ZMAT4: variants seen among roughly 807,000 people sequenced by gnomAD.
ZMAT4 encodes the protein zinc finger matrin-type protein 4.
ZMAT4 carries 17 observed loss-of-function variants against 28.7 expected under a neutral mutation model. That is an observed-to-expected ratio of 0.59 (90% CI 0.41 to 0.89). The LOEUF (loss-of-function observed/expected upper bound fraction) is 0.89. Ranked by LOEUF, ZMAT4 falls within the 40% of genes least tolerant of loss-of-function variation. The pLI is 0.00. For missense variants in ZMAT4, 240 were observed against 283.8 expected, an observed-to-expected ratio of 0.85 and a Z score of 1.11; for synonymous variants, 117 against 109.2, an observed-to-expected ratio of 1.07 and a Z score of -0.44.
At chr8:40,721,092 A>C (rs892111304) in intron 3 of ZMAT4, among the ~76,000 whole-genome samples, 33 of 143,896 alleles carry the variant, frequency 2.3e-4, no homozygotes, top group African/African-American at 7.5e-4. Flanking sequence ...CTCGTCATCT[A>C]GCATTAGGTA....
intron 2 of ZMAT4, among the ~76,000 whole-genome samples, chr8:40,791,715 G>A (rs773079705): frequency 6.6e-5 from 10 of 152,118 alleles, no homozygotes; most frequent in South Asian, 2.1e-4. Context: ...GACCAACTAC[G>A]GACTCTAAGA....
intron 4 of ZMAT4, among the ~76,000 whole-genome samples, 173 bp from the exon 5 acceptor site, chr8:40,675,104 CA>C (rs1252095883): frequency 6.6e-6 from 1 of 152,138 alleles, no homozygotes; most frequent in East Asian, 1.9e-4. Context: ...TGAGTTGGGA[CA>C]CAAATAAAAA....
intron 5 of ZMAT4, among the ~76,000 whole-genome samples, chr8:40,669,037 G>A (rs1195101655): frequency 6.6e-6 from 1 of 152,078 alleles, no homozygotes; most frequent in Admixed American, 6.6e-5. Context: ...ATTACACACA[G>A]TACTCTATGG....
intron 2 of ZMAT4, among the ~76,000 whole-genome samples, chr8:40,770,049 GA>G (rs1370031852): frequency 1.3e-5 from 2 of 152,242 alleles, no homozygotes; most frequent in East Asian, 3.9e-4. Flanking sequence ...GTTTTGGCAG[GA>G]AAAGGAATGG....
intron 1 of ZMAT4, among the ~76,000 whole-genome samples, chr8:40,884,021 C>T (rs1366540802): frequency 6.6e-6 from 1 of 152,168 alleles, no homozygotes. Flanking sequence ...AGAGACGCAG[C>T]ACAACTCTCT....
intron 6 of ZMAT4, among the ~76,000 whole-genome samples, chr8:40,536,479 G>A (rs533080338): frequency 6.6e-6 from 1 of 152,158 alleles, no homozygotes; most frequent in Non-Finnish European, 1.5e-5. Flanking sequence ...GACACATAAA[G>A]GTCACTGTAA....
chr8:40,683,818 A>C (rs1809279097), intron 4 of ZMAT4, among the ~76,000 whole-genome samples: 1 of 152,130 alleles, frequency 6.6e-6, no homozygotes, highest in Non-Finnish European at 1.5e-5. Context: ...TAATTCCAGA[A>C]CTTCAAGAGG....
At chr8:40,839,662 A>G (rs541596516) in intron 1 of ZMAT4, among the ~76,000 whole-genome samples, 65 of 152,332 alleles carry the variant, frequency 4.3e-4, no homozygotes, top group African/African-American at 1.4e-3. Context: ...TTGCAGCAAC[A>G]TGAATGGATT....
chr8:40,837,425 G>A (rs950181082), intron 1 of ZMAT4, among the ~76,000 whole-genome samples: 9 of 152,262 alleles, frequency 5.9e-5, no homozygotes, highest in Admixed American at 3.3e-4. Flanking sequence ...AACCTCTAAG[G>A]CACTAAGCCA....
intron 5 of ZMAT4, among the ~76,000 whole-genome samples, chr8:40,585,977 A>G (rs968274469): frequency 2.6e-5 from 4 of 152,186 alleles, no homozygotes; most frequent in Admixed American, 6.5e-5. Context: ...AATCTAAAAC[A>G]TATTCTGATC....
chr8:40,598,867 G>A (rs1436052506), intron 5 of ZMAT4, among the ~76,000 whole-genome samples: 3 of 152,086 alleles, frequency 2.0e-5, no homozygotes, highest in Admixed American at 6.5e-5. Context: ...GGATTGTTAC[G>A]GGGTTTTCCT....
intron 5 of ZMAT4, among the ~76,000 whole-genome samples, chr8:40,602,870 C>T (rs1330341369): frequency 6.6e-6 from 1 of 152,160 alleles, no homozygotes; most frequent in South Asian, 2.1e-4. Context: ...TGTCTGTTTA[C>T]TCTGCTGATT....
intron 1 of ZMAT4, among the ~76,000 whole-genome samples, chr8:40,890,703 C>T (rs1341724666): frequency 2.0e-5 from 3 of 152,108 alleles, no homozygotes; most frequent in Non-Finnish European, 4.4e-5. Flanking sequence ...TGGCAGTGGC[C>T]CCTCCCTCCC....
intron 2 of ZMAT4, among the ~76,000 whole-genome samples, chr8:40,772,823 A>T (rs1009508839): frequency 2.0e-5 from 3 of 152,262 alleles, no homozygotes; most frequent in Non-Finnish European, 4.4e-5. Flanking sequence ...TGATTCTCAC[A>T]TGCCACCACA....
chr8:40,656,704 T>C (rs1807938987), intron 5 of ZMAT4, among the ~76,000 whole-genome samples: 1 of 152,096 alleles, frequency 6.6e-6, no homozygotes, highest in Non-Finnish European at 1.5e-5. Context: ...GATTTGATCA[T>C]TACAGGCAGC....
rs28634080 is a variant in ZMAT4 at position 40,890,745 on chromosome 8, C to G, written c.-5+6938G>C. Reference sequence around the variant, plus strand: ...GTGGGCACCCACAACCCTACCTCCCCTTGCCCCCAAAACATGCCTCGTATG... The same window carrying G: ...GTGGGCACCCACAACCCTACCTCCCGTTGCCCCCAAAACATGCCTCGTATG... On this transcript the variant is annotated intron_variant, in intron 1 of 6. Transcript: ENST00000297737. 7.9e-3 allele frequency among the ~76,000 whole-genome samples: 1,197 copies of G among 152,288 alleles called. 10 individuals are homozygous for G. Among genetic ancestry groups the G allele is most frequent in the African/African-American group, 0.026 (1,074 of 41,556 alleles).
At chr8:40,633,487 A>G (rs1334195228) in intron 5 of ZMAT4, among the ~76,000 whole-genome samples, 1 of 152,194 alleles carries the variant, frequency 6.6e-6, no homozygotes, top group African/African-American at 2.4e-5. Context: ...AGGGGTGACC[A>G]GAAGATGGGG....
At chr8:40,547,334 T>G (rs1329845450) in intron 6 of ZMAT4, among the ~76,000 whole-genome samples, 1 of 152,160 alleles carries the variant, frequency 6.6e-6, no homozygotes, top group Non-Finnish European at 1.5e-5. Flanking sequence ...ACAATCTGAC[T>G]CCCTGATCTA....
intron 2 of ZMAT4, among the ~76,000 whole-genome samples, chr8:40,790,575 C>T (rs560955011): frequency 6.6e-6 from 1 of 151,972 alleles, no homozygotes; most frequent in Non-Finnish European, 1.5e-5. Flanking sequence ...GGGGATAAAT[C>T]TGACAAAATA....
Sources: gnomAD v4.1 joint callset for allele counts (sites outside exome capture counted in the v4.1 genomes callset) on GRCh38, gnomAD v4.1.1 for gene constraint, MANE v1.5 for transcripts, NCBI Gene and HGNC (gene_info 2026-07-23, HGNC 2026-07-21) for gene names.